ANKS1B: variants seen among roughly 807,000 people sequenced by gnomAD.
ANKS1B encodes ankyrin repeat and sterile alpha motif domain-containing protein 1B.
A neutral mutation model predicts 148.3 loss-of-function variants in ANKS1B; 36 were observed. The observed-to-expected ratio is 0.24, with a 90% CI of 0.19 to 0.32. The LOEUF is 0.32. ANKS1B is among the 10% of genes least tolerant of loss of function. The probability of loss-of-function intolerance (pLI) is 1.00; values close to 1 mark genes in which losing one functional copy is unlikely to be tolerated. For synonymous variants in ANKS1B, 542 were observed against 560.8 expected (o/e 0.97, Z 0.47); for missense variants, 1,157 against 1,542.6 (o/e 0.75, Z 4.19).
intron 9 of ANKS1B, among the ~76,000 whole-genome samples, chr12:99,642,157 T>C (rs994340129): frequency 1.3e-5 from 2 of 152,220 alleles, no homozygotes; most frequent in South Asian, 2.1e-4. Flanking sequence ...TTATAGTTCA[T>C]TTATTTTAAA....
At chr12:99,447,125 C>T (rs1428269257) in intron 10 of ANKS1B, among the ~76,000 whole-genome samples, 3 of 152,028 alleles carry the variant, frequency 2.0e-5, no homozygotes, top group Non-Finnish European at 4.4e-5. Context: ...GAAACAGACA[C>T]ATCAACCAAT....
chr12:99,610,040 C>A (rs1447449174), intron 9 of ANKS1B, among the ~76,000 whole-genome samples: 1 of 151,868 alleles, frequency 6.6e-6, no homozygotes, highest in Non-Finnish European at 1.5e-5. Context: ...GAGTTACAAG[C>A]GCAGAAAAGG....
At chr12:99,228,088 G>T (rs1304411432) in intron 14 of ANKS1B, among the ~76,000 whole-genome samples, 2 of 151,880 alleles carry the variant, frequency 1.3e-5, no homozygotes, top group Non-Finnish European at 2.9e-5. Flanking sequence ...GAAGATAAAA[G>T]TATGAGCCAT....
intron 9 of ANKS1B, among the ~76,000 whole-genome samples, chr12:99,600,284 C>T (rs143249234): frequency 6.6e-5 from 10 of 152,014 alleles, no homozygotes; most frequent in Middle Eastern, 6.8e-3. Context: ...CTAATATTAA[C>T]CCTCTAGGGA....
intron 17 of ANKS1B, among the ~76,000 whole-genome samples, chr12:98,870,025 G>A (rs1290098910): frequency 6.6e-6 from 1 of 152,206 alleles, no homozygotes; most frequent in Non-Finnish European, 1.5e-5. Flanking sequence ...GAGGGAATGT[G>A]CTGGAGCCCA....
intron 8 of ANKS1B, among the ~76,000 whole-genome samples, chr12:99,705,214 A>G (rs1283757195): frequency 3.3e-5 from 5 of 152,266 alleles, no homozygotes; most frequent in African/African-American, 1.2e-4. Flanking sequence ...CCGTCCCTCA[A>G]TCTTGCAAAA....
In ANKS1B at chr12:99,559,480, T is replaced by C. The variant is rs565715008; in HGVS notation, c.1273-54839A>G. Among the ~76,000 whole-genome samples, 5 of 152,312 alleles carry C rather than the reference T, an allele frequency of 3.3e-5. No homozygotes were observed. The South Asian group carries it at 1.0e-3, about 32-fold the overall frequency. On this transcript the variant is annotated intron_variant, in intron 9 of 26. Coordinates refer to ENST00000683438, the MANE Select transcript of ANKS1B (RefSeq NM_001352186.2). ...ATGTACTTGACAAATTAACAAATAA[T>C]TTGTTAAGATGATCACATAGAATTA...
At chr12:99,976,241 T>C (rs942270921) in intron 1 of ANKS1B, among the ~76,000 whole-genome samples, 2 of 152,210 alleles carry the variant, frequency 1.3e-5, no homozygotes, top group South Asian at 4.1e-4. Context: ...TTAGGTACTA[T>C]GCTCACTACC....
At chr12:99,460,164 A>G (rs2095928351) in intron 10 of ANKS1B, among the ~76,000 whole-genome samples, 1 of 152,022 alleles carries the variant, frequency 6.6e-6, no homozygotes, top group Non-Finnish European at 1.5e-5. Flanking sequence ...TATAAAGTGC[A>G]TAAAGGACAC....
chr12:99,003,328 C>T (rs1415644165), intron 17 of ANKS1B, among the ~76,000 whole-genome samples: 2 of 152,056 alleles, frequency 1.3e-5, no homozygotes, highest in African/African-American at 4.8e-5. Context: ...TTTGTATTTC[C>T]ATATAAATTT....
chr12:98,959,077 G>C (rs2099867001), intron 17 of ANKS1B, among the ~76,000 whole-genome samples: 1 of 152,116 alleles, frequency 6.6e-6, no homozygotes, highest in South Asian at 2.1e-4. Flanking sequence ...TATTGATTCT[G>C]AACCTTTAAA....
chr12:99,061,450 G>T (rs2042428322), intron 16 of ANKS1B, among the ~76,000 whole-genome samples: 10 of 152,200 alleles, frequency 6.6e-5, no homozygotes, highest in Admixed American at 6.5e-4. Context: ...GGGAGGATTG[G>T]AGATTCTGCA....
At chr12:98,807,005 A>G (rs1161721406) in intron 20 of ANKS1B, among the ~76,000 whole-genome samples, 1 of 152,142 alleles carries the variant, frequency 6.6e-6, no homozygotes, top group Non-Finnish European at 1.5e-5. Context: ...ATCCCTTCAC[A>G]TGCCGCCCCA....
chr12:98,851,896 C>T (rs368598690), intron 17 of ANKS1B, among the ~76,000 whole-genome samples: 6 of 151,776 alleles, frequency 4.0e-5, no homozygotes, highest in Middle Eastern at 3.4e-3. Flanking sequence ...TGGTGGTGCA[C>T]GCCTGTAGTC....
At chr12:99,773,205 T>C in intron 7 of ANKS1B, 117 bp from the exon 8 acceptor site, 1 of 772,068 alleles carries the variant, frequency 1.3e-6, no homozygotes, top group Non-Finnish European at 2.0e-6. Context: ...GATTAAGCAG[T>C]CAGACACTAT....
rs762339463 is a variant in ANKS1B at position 99,984,084 on chromosome 12, G to C, written c.134+20C>G. 6.2e-7 allele frequency: 1 copy of C among 1,604,168 alleles called. No individual in the cohort carries two copies. The highest frequency in any genetic ancestry group is 1.7e-5 in the Admixed American group (1 of 59,162). On this transcript the variant is annotated intron_variant, in intron 1 of 26. Transcript: ENST00000683438. The stretch of plus-strand genomic sequence containing the variant: ...TGCATAATGAGGTGTGCCAACCCCG[G>C]AGCTGGTGCCCGTCCTTACCTTAGC...
chr12:99,301,598 A>G (rs1017504815), intron 12 of ANKS1B, among the ~76,000 whole-genome samples: 2 of 152,168 alleles, frequency 1.3e-5, no homozygotes, highest in Non-Finnish European at 2.9e-5. Context: ...TACATAATAG[A>G]TTTACTCATT....
intron 1 of ANKS1B, among the ~76,000 whole-genome samples, chr12:99,857,520 C>T (rs1419630049): frequency 6.6e-6 from 1 of 151,998 alleles, no homozygotes; most frequent in African/African-American, 2.4e-5. Flanking sequence ...TCATTCTTCA[C>T]AGAACTAAAA....
intron 8 of ANKS1B, among the ~76,000 whole-genome samples, chr12:99,705,738 G>C (rs2055641454): frequency 6.6e-6 from 1 of 152,120 alleles, no homozygotes; most frequent in Non-Finnish European, 1.5e-5. Flanking sequence ...AAATGATGGA[G>C]AAGAATTGCA....
Sources: allele counts gnomAD v4.1 joint callset (sites outside exome capture counted in the v4.1 genomes callset), GRCh38; gene constraint gnomAD v4.1.1; transcripts MANE v1.5; gene names NCBI Gene and HGNC (gene_info 2026-07-23, HGNC 2026-07-21).